The following SLC24A3 variants were observed in gnomAD, a reference collection of about 807,000 sequenced individuals.
SLC24A3 encodes the protein sodium/potassium/calcium exchanger 3.
SLC24A3 carries 28 observed loss-of-function variants against 75.8 expected under a neutral mutation model. The ratio of observed to expected loss-of-function variants is 0.37; its 90% CI spans 0.27 to 0.51. SLC24A3 has a LOEUF of 0.51. Ranked by LOEUF, SLC24A3 falls within the 20% of genes least tolerant of loss-of-function variation. The pLI, the probability that SLC24A3 is intolerant of heterozygous loss-of-function variation, is 0.94. For missense variants in SLC24A3, 663 were observed against 847.8 expected (o/e 0.78, Z 2.71); for synonymous variants, 372 against 334.1 (o/e 1.11, Z -1.24).
chr20:19,218,978 T>A (rs1346052071), intron 1 of SLC24A3, among the ~76,000 whole-genome samples: 9 of 150,492 alleles, frequency 6.0e-5, no homozygotes, highest in Non-Finnish European at 1.0e-4. Context: ...GTAATTTGGA[T>A]TTTTTTTTTC....
chr20:19,429,288 A>G (rs1006262871), intron 2 of SLC24A3, among the ~76,000 whole-genome samples: 1 of 152,240 alleles, frequency 6.6e-6, no homozygotes, highest in Non-Finnish European at 1.5e-5. Context: ...GGCTGCTGAT[A>G]TTTGATCACT....
chr20:19,682,454 G>A (rs2032625968), intron 10 of SLC24A3, among the ~76,000 whole-genome samples: 1 of 152,082 alleles, frequency 6.6e-6, no homozygotes, highest in African/African-American at 2.4e-5. Context: ...ATGTCATGGA[G>A]CCATCTCATA....
chr20:19,400,059 T>C (rs1165336486), intron 2 of SLC24A3, among the ~76,000 whole-genome samples: 3 of 152,198 alleles, frequency 2.0e-5, no homozygotes, highest in East Asian at 3.9e-4. Flanking sequence ...GAACAGATAG[T>C]TATAACAACT....
At chr20:19,269,568 C>T (rs1470523360) in intron 1 of SLC24A3, among the ~76,000 whole-genome samples, 2 of 152,254 alleles carry the variant, frequency 1.3e-5, no homozygotes, top group Non-Finnish European at 2.9e-5. Context: ...ATCTGCCCCC[C>T]TTTGCTCTTC....
At chr20:19,451,789 G>C (rs1402804358) in intron 2 of SLC24A3, among the ~76,000 whole-genome samples, 1 of 152,154 alleles carries the variant, frequency 6.6e-6, no homozygotes, top group East Asian at 1.9e-4. Flanking sequence ...TGCCTGCCTT[G>C]GGAGTGCACC....
intron 2 of SLC24A3, among the ~76,000 whole-genome samples, chr20:19,347,255 T>G (rs1985449795): frequency 6.6e-6 from 1 of 151,776 alleles, no homozygotes; most frequent in Non-Finnish European, 1.5e-5. Context: ...GTGTAGAGGG[T>G]TTTTAAGGTG....
At chr20:19,558,770 A>T (rs1159163546) in intron 3 of SLC24A3, among the ~76,000 whole-genome samples, 1 of 152,126 alleles carries the variant, frequency 6.6e-6, no homozygotes, top group East Asian at 1.9e-4. Flanking sequence ...TGCTTTTGAG[A>T]TCCATCCATA....
intron 1 of SLC24A3, among the ~76,000 whole-genome samples, chr20:19,234,655 A>G (rs1416309393): frequency 6.6e-6 from 1 of 152,218 alleles, no homozygotes; most frequent in Non-Finnish European, 1.5e-5. Context: ...TGCTGACTTC[A>G]GAGAGAGCTG....
intron 1 of SLC24A3, among the ~76,000 whole-genome samples, chr20:19,216,336 A>C (rs1981552085): frequency 6.6e-6 from 1 of 152,220 alleles, no homozygotes; most frequent in Non-Finnish European, 1.5e-5. Flanking sequence ...CAGGGATTCT[A>C]ACTGAGGAGT....
intron 3 of SLC24A3, among the ~76,000 whole-genome samples, chr20:19,562,853 T>C (rs944337873): frequency 1.3e-5 from 2 of 152,018 alleles, no homozygotes; most frequent in African/African-American, 4.8e-5. Context: ...CATATTCCAC[T>C]CCAGGAACAC....
At chr20:19,272,560 G>A (rs961179365) in intron 1 of SLC24A3, among the ~76,000 whole-genome samples, 2 of 152,348 alleles carry the variant, frequency 1.3e-5, no homozygotes. Context: ...GAGAAGCAAG[G>A]CTGTCATGCA....
chr20:19,510,085 T>G (rs1988514885), intron 2 of SLC24A3, among the ~76,000 whole-genome samples: 1 of 152,216 alleles, frequency 6.6e-6, no homozygotes, highest in Non-Finnish European at 1.5e-5. Context: ...CAAAGATCAA[T>G]GACAATCCTT....
intron 2 of SLC24A3, among the ~76,000 whole-genome samples, chr20:19,472,501 T>A (rs1465556671): frequency 6.6e-6 from 1 of 152,224 alleles, no homozygotes; most frequent in Admixed American, 6.5e-5. Context: ...GCTTCACACA[T>A]GTGGGGAAGG....
intron 15 of SLC24A3, among the ~76,000 whole-genome samples, chr20:19,710,179 T>C (rs1402870048): frequency 2.6e-5 from 4 of 152,230 alleles, no homozygotes; most frequent in African/African-American, 4.8e-5. Context: ...GGGCTTCTTA[T>C]TTTTCCTAAA....
intron 14 of SLC24A3, among the ~76,000 whole-genome samples, chr20:19,697,973 G>A (rs2032829990): frequency 6.6e-6 from 1 of 152,162 alleles, no homozygotes; most frequent in African/African-American, 2.4e-5. Flanking sequence ...GCTCTAACTG[G>A]CTGATGGTTC....
intron 15 of SLC24A3, among the ~76,000 whole-genome samples, chr20:19,712,353 C>T (rs2033001578): frequency 6.6e-6 from 1 of 152,032 alleles, no homozygotes; most frequent in Admixed American, 6.6e-5. Context: ...CATCTGCCCT[C>T]TGAGCATTTG....
chr20:19,500,219 C>T (rs866057410), intron 2 of SLC24A3, among the ~76,000 whole-genome samples: 6 of 152,134 alleles, frequency 3.9e-5, no homozygotes, highest in Non-Finnish European at 5.9e-5. Context: ...AAAAGCCACT[C>T]GATTTGCTTC....
intron 3 of SLC24A3, among the ~76,000 whole-genome samples, chr20:19,556,786 A>G (rs1438646409): frequency 6.6e-6 from 1 of 152,146 alleles, no homozygotes; most frequent in Admixed American, 6.5e-5. Flanking sequence ...CTGACCTCAA[A>G]CCCAAAGTAA....
At chr20:19,307,316 T>C (rs1337101037) in intron 2 of SLC24A3, among the ~76,000 whole-genome samples, 1 of 152,226 alleles carries the variant, frequency 6.6e-6, no homozygotes, top group East Asian at 1.9e-4. Flanking sequence ...TTGGATTTTG[T>C]ATATCAAATG....
Sources: allele counts gnomAD v4.1 joint callset (sites outside exome capture counted in the v4.1 genomes callset), GRCh38; gene constraint gnomAD v4.1.1; transcripts MANE v1.5; gene names NCBI Gene and HGNC (gene_info 2026-07-23, HGNC 2026-07-21).